The following UBE2U variants were observed in gnomAD, a reference collection of about 807,000 sequenced individuals.
UBE2U encodes ubiquitin-conjugating enzyme E2 U.
Under a neutral mutation model 41.2 loss-of-function variants are expected in UBE2U, and 39 were observed. The ratio of observed to expected loss-of-function variants is 0.95; its 90% CI spans 0.73 to 1.24. The LOEUF (loss-of-function observed/expected upper bound fraction) is 1.24, where lower values mean the gene tolerates loss of function less well. UBE2U is among the 50% of genes most tolerant of loss of function. UBE2U has a pLI of 0.00. For missense variants in UBE2U, 336 were observed against 363.1 expected (o/e 0.93, Z 0.61); for synonymous variants, 107 against 117.8 (o/e 0.91, Z 0.60).
chr1:64,248,690 G>A (rs949618460), intron 8 of UBE2U, among the ~76,000 whole-genome samples: 4 of 151,970 alleles, frequency 2.6e-5, no homozygotes, highest in African/African-American at 9.7e-5. Flanking sequence ...AAGGCAAATG[G>A]TTGAATAAAG....
chr1:64,245,313 AAG>A (rs1444638599), intron 8 of UBE2U, among the ~76,000 whole-genome samples: 1 of 152,226 alleles, frequency 6.6e-6, no homozygotes, highest in Non-Finnish European at 1.5e-5. Flanking sequence ...GAAATAGTAA[AAG>A]ATATAAAATC....
chr1:64,212,891 A>G (rs1651746903), intron 4 of UBE2U, among the ~76,000 whole-genome samples: 1 of 152,192 alleles, frequency 6.6e-6, no homozygotes, highest in South Asian at 2.1e-4. Context: ...AAGTGTTGCC[A>G]AATATATCAT....
chr1:64,239,178 G>GAAGAAGAGGAAGAAGAAGAAGAAGA, intron 7 of UBE2U, among the ~76,000 whole-genome samples: 1 of 88,358 alleles, frequency 1.1e-5, no homozygotes, highest in East Asian at 6.9e-4. Context: ...AGAAGAAGAA[G>GAAGAAGAGGAAGAAGAAGAAGAAGA]AAGAAGAAGA....
chr1:64,212,380 G>A (rs1651715288), intron 4 of UBE2U, among the ~76,000 whole-genome samples: 1 of 152,124 alleles, frequency 6.6e-6, no homozygotes, highest in Non-Finnish European at 1.5e-5. Context: ...GGAAAATGTG[G>A]GGCTCTGAGT....
At chr1:64,253,943 GC>G (rs1431525203) in intron 8 of UBE2U, among the ~76,000 whole-genome samples, 1 of 152,052 alleles carries the variant, frequency 6.6e-6, no homozygotes. Flanking sequence ...TGTGCTAAAC[GC>G]CCCAAATAGA....
At chr1:64,224,085 T>C (rs552881062) in intron 6 of UBE2U, among the ~76,000 whole-genome samples, 12 of 152,218 alleles carry the variant, frequency 7.9e-5, no homozygotes, top group Admixed American at 5.2e-4. Context: ...ATGGTGAACA[T>C]GCTAAATATA....
At chr1:64,220,763 TA>T in intron 5 of UBE2U, 95 bp from the exon 6 acceptor site, 1 of 933,100 alleles carries the variant, frequency 1.1e-6, no homozygotes. Context: ...TTTATTCCTT[TA>T]TTACCATTTT....
At chr1:64,220,519 G>A (rs1328284101) in intron 5 of UBE2U, among the ~76,000 whole-genome samples, 1 of 152,112 alleles carries the variant, frequency 6.6e-6, no homozygotes, top group Non-Finnish European at 1.5e-5. Flanking sequence ...TTTTGTCTGT[G>A]CTCTCCCTCT....
rs975290236 is a variant in UBE2U, at chr1:64,232,422, A to T, written c.507-139A>T. The stretch of plus-strand genomic sequence containing the variant: ...AATCAGTATATTGGATACAATTGTT[A>T]AAAATGCATGTTACAATTTGCAAGT... On this transcript the variant is annotated intron_variant, in intron 6 of 9. Transcript: ENST00000371077. 3 of 544,190 alleles carry T rather than the reference A, an allele frequency of 5.5e-6. No homozygotes were observed. The African/African-American group carries it at 5.7e-5, about 10-fold the overall frequency. 33.7% of individuals were successfully genotyped at this position (544,190 alleles called of 1,614,324 possible). A position where few individuals can be genotyped will look rare whatever the true frequency, so the allele number is the denominator to read the frequency against.
rs115720162 is a variant in UBE2U at position 64,215,241 on chromosome 1, A to C, written c.457+309A>C. On this transcript the variant is annotated intron_variant, in intron 5 of 9. Transcript: ENST00000371077. ...AGTGAAACTCTGTCTCAAAAAAAAA[A>C]AGAAGTACCTACTTTTTGTTATTTG... 8.1e-3 allele frequency among the ~76,000 whole-genome samples: 1,234 copies of C among 152,354 alleles called. 13 individuals carry two copies. The highest frequency in any genetic ancestry group is 0.029 in the African/African-American group (1,192 of 41,574).
At chr1:64,210,447 G>A (rs1410041018) in intron 3 of UBE2U, among the ~76,000 whole-genome samples, 1 of 152,172 alleles carries the variant, frequency 6.6e-6, no homozygotes, top group Non-Finnish European at 1.5e-5. Flanking sequence ...TTTAAAAAAA[G>A]ACTCAGAAAT....
chr1:64,205,532 G>C, intron 1 of UBE2U, 107 bp from the exon 2 acceptor site: 1 of 886,696 alleles, frequency 1.1e-6, no homozygotes, highest in Non-Finnish European at 1.7e-6. Flanking sequence ...ATCAAGGAAA[G>C]AAAATTTAGA....
intron 6 of UBE2U, among the ~76,000 whole-genome samples, chr1:64,228,855 ATTTT>A (rs56873849): frequency 1.1e-4 from 10 of 93,886 alleles, no homozygotes; most frequent in East Asian, 3.1e-4. Context: ...TGCCCAGGTA[ATTTT>A]TTTTTTTTTT....
At chr1:64,260,926 C>T (rs952326567) in intron 9 of UBE2U, among the ~76,000 whole-genome samples, 2 of 152,108 alleles carry the variant, frequency 1.3e-5, no homozygotes, top group African/African-American at 2.4e-5. Context: ...TTCAAGCTTA[C>T]TACCCTTTAA....
chr1:64,228,819 G>T (rs1208062201), intron 6 of UBE2U, among the ~76,000 whole-genome samples: 5 of 149,080 alleles, frequency 3.4e-5, no homozygotes, highest in African/African-American at 9.9e-5. Flanking sequence ...CTCCTGAGTG[G>T]CTGGGATTAC....
At chr1:64,258,962 C>A (rs1264614159) in intron 8 of UBE2U, among the ~76,000 whole-genome samples, 1 of 152,082 alleles carries the variant, frequency 6.6e-6, no homozygotes, top group African/African-American at 2.4e-5. Flanking sequence ...TTTCTATTTC[C>A]CCACATCCTC....
chr1:64,247,661 TGAGACCAGCCTGA>T (rs1457438040), intron 8 of UBE2U, among the ~76,000 whole-genome samples: 4 of 152,064 alleles, frequency 2.6e-5, no homozygotes, highest in African/African-American at 4.8e-5. Context: ...AGCCAGTATT[TGAGACCAGCCTGA>T]GCAATATAGT....
chr1:64,242,001 T>C (rs1644842512), intron 8 of UBE2U, among the ~76,000 whole-genome samples: 1 of 152,138 alleles, frequency 6.6e-6, no homozygotes, highest in Non-Finnish European at 1.5e-5. Context: ...TCCTTCCCAT[T>C]ATTTCTCTTA....
intron 7 of UBE2U, among the ~76,000 whole-genome samples, chr1:64,235,216 G>A (rs1448816107): frequency 6.6e-6 from 1 of 152,174 alleles, no homozygotes; most frequent in Non-Finnish European, 1.5e-5. Flanking sequence ...AACCTAGTAT[G>A]TGATTCATCC....
Sources: gnomAD v4.1 joint callset for allele counts (sites outside exome capture counted in the v4.1 genomes callset) on GRCh38, gnomAD v4.1.1 for gene constraint, MANE v1.5 for transcripts, NCBI Gene and HGNC (gene_info 2026-07-23, HGNC 2026-07-21) for gene names.